Variants in CEACAM20 observed in about 807,000 individuals in gnomAD.
CEACAM20 encodes cell adhesion molecule CEACAM20.
CEACAM20 carries 50 observed loss-of-function variants against 61.2 expected under a neutral mutation model. The observed-to-expected ratio is 0.82, with a 90% confidence interval of 0.65 to 1.03. The LOEUF is 1.03. Ranked by LOEUF, CEACAM20 falls within the 50% of genes least tolerant of loss-of-function variation. CEACAM20 has a pLI of 0.00. For synonymous variants in CEACAM20, 282 were observed against 287.7 expected (o/e 0.98, Z 0.20); for missense variants, 683 against 736.4 (o/e 0.93, Z 0.84).
chr19:44,525,211 G>T lies in CEACAM20; in HGVS notation c.86C>A (p.Ala29Glu), dbSNP rs1181266274. The T allele has an allele frequency of 1.1e-5, 18 of 1,608,130 alleles. No individual in the cohort carries two copies. Among genetic ancestry groups the T allele is most frequent in the Non-Finnish European group, 1.5e-5 (18 of 1,177,676 alleles). ...SLCTVWSPPAAAQLTLNANPL... is the reference protein window; with the variant it reads ...SLCTVWSPPAEAQLTLNANPL... ...GTTGGCATTGAGGGTGAGCTGGGCTGCAGCTGGAGGACTCCATACGGTACA... is the reference window on the plus strand; with the variant it reads ...GTTGGCATTGAGGGTGAGCTGGGCTTCAGCTGGAGGACTCCATACGGTACA... The change falls in exon 2 of 12, where the codon GCA (alanine) becomes GAA (glutamate). Residue 29 changes from alanine to glutamate, a missense_variant. By Grantham distance (107) the Ala-to-Glu change is moderately radical. Transcript: ENST00000614924.
chr19:44,509,753 T>G (rs1438123862), intron 11 of CEACAM20, among the ~76,000 whole-genome samples: 1 of 149,584 alleles, frequency 6.7e-6, no homozygotes, highest in East Asian at 2.0e-4. Flanking sequence ...AAGGGAAGGG[T>G]ATGGAGAAGA....
Position 44,512,875 on chromosome 19 carries a change from GGGCTCT to G in CEACAM20, c.1500_1505del (p.Glu501_Pro502del). The G allele has an allele frequency of 6.2e-7, 1 of 1,613,308 alleles. No homozygotes were observed. The highest frequency in any genetic ancestry group is 8.5e-7 in the Non-Finnish European group (1 of 1,179,464). On this transcript the variant is annotated inframe_deletion, in exon 8 of 12. Transcript: ENST00000614924. ...CACCATAGAGTCACTTACCGGAACT[GGGCTCT>G]GTGGGGTGCTCCTCCTTCGGGATGG...
At chr19:44,509,220 A>C (rs1158469779) in intron 11 of CEACAM20, among the ~76,000 whole-genome samples, 3 of 152,196 alleles carry the variant, frequency 2.0e-5, no homozygotes, top group Non-Finnish European at 4.4e-5. Context: ...AGAAAGAAAG[A>C]AATAAAGTAA....
Position 44,529,640 on chromosome 19 carries a change from A to T in CEACAM20, c.-131T>A. ...CTCTCCCACCCTGCTACAAACTCACACACACACTGCAGTAACTGCAGCTCC... is the reference window on the plus strand; with the variant it reads ...CTCTCCCACCCTGCTACAAACTCACTCACACACTGCAGTAACTGCAGCTCC... On this transcript the variant is annotated 5_prime_UTR_variant, in exon 1 of 12. Coordinates refer to ENST00000614924, the MANE Select transcript of CEACAM20 (RefSeq NM_001102597.3). 1.4e-6 allele frequency: 1 copy of T among 704,562 alleles called. No individual in the cohort carries two copies. The highest frequency in any genetic ancestry group is 1.7e-5 in the South Asian group (1 of 57,836). The allele number at this position is 704,562 out of a possible 1,614,324, so 43.6% of individuals were successfully genotyped here.
At chr19:44,519,565 T>A (rs768289760) in intron 5 of CEACAM20, among the ~76,000 whole-genome samples, 2 of 152,102 alleles carry the variant, frequency 1.3e-5, no homozygotes, top group Non-Finnish European at 2.9e-5. Context: ...GACTCCTACA[T>A]CCTTTCGGTG....
intron 8 of CEACAM20, 133 bp downstream of exon 8, chr19:44,512,735 A>G: frequency 1.4e-6 from 1 of 691,642 alleles, no homozygotes; most frequent in Non-Finnish European, 2.5e-6. Flanking sequence ...AGATGGGAAC[A>G]CAGAGGCTCA....
intron 5 of CEACAM20, 41 bp downstream of exon 5, chr19:44,520,433 A>G (rs369741488): frequency 2.6e-4 from 412 of 1,593,270 alleles, no homozygotes; most frequent in Non-Finnish European, 3.4e-4. Context: ...AGAAGGAGGG[A>G]AGCAGGGAGA....
At chr19:44,513,320 C>T (rs1026780622) in intron 6 of CEACAM20, 31 bp from the exon 7 acceptor site, 2 of 1,452,610 alleles carry the variant, frequency 1.4e-6, no homozygotes, top group Non-Finnish European at 9.7e-7. Context: ...AAGACCCAGG[C>T]TTGACACACC....
intron 1 of CEACAM20, among the ~76,000 whole-genome samples, chr19:44,528,608 T>C (rs1309618867): frequency 6.6e-6 from 1 of 152,132 alleles, no homozygotes; most frequent in Non-Finnish European, 1.5e-5. Flanking sequence ...TTCTCTCTCT[T>C]TCTCCCTGGG....
At position 44,522,843 on chromosome 19, in the gene CEACAM20, T is replaced by C. The variant is rs756950141; in HGVS notation, c.542A>G (p.Glu181Gly). ...VASGEVVEVM[E>G]GSSMTFLAET... Reference sequence around the variant, plus strand: ...CGCTAAGAAGGTCATGCTGGAGCCCTCCATCACCTCAACCACCTCCCCACT... The same window carrying C: ...CGCTAAGAAGGTCATGCTGGAGCCCCCCATCACCTCAACCACCTCCCCACT... The change falls in exon 4 of 12, where the codon GAG (glutamate) becomes GGG (glycine). Residue 181 changes from glutamate to glycine, a missense_variant. By Grantham distance (98) the Glu-to-Gly change is moderately conservative. Transcript: ENST00000614924. 3.7e-6 allele frequency: 6 copies of C among 1,611,050 alleles called. No homozygotes were observed. The Admixed American group carries it at 1.0e-4, about 27-fold the overall frequency.
At chr19:44,514,750 T>C (rs1971105355) in intron 6 of CEACAM20, among the ~76,000 whole-genome samples, 1 of 152,112 alleles carries the variant, frequency 6.6e-6, no homozygotes, top group Non-Finnish European at 1.5e-5. Context: ...TGAGCCACCA[T>C]GCCTGGCCGC....
intron 4 of CEACAM20, 105 bp from the exon 5 acceptor site, chr19:44,520,857 T>C: frequency 9.4e-7 from 1 of 1,060,942 alleles, no homozygotes; most frequent in Non-Finnish European, 1.4e-6. Flanking sequence ...TGTGTGTGTG[T>C]GTGTGTGTGT....
chr19:44,511,034 T>C lies in CEACAM20; in HGVS notation c.1733A>G (p.Tyr578Cys), dbSNP rs762524360. ...STVPKNMESI[Y>C]EELVNPEPNT... is the part of the protein sequence containing the mutation. ...CTCAGTGTGGCATAAACATACCTCA[T>C]AGATTGACTCCATGTTTTTTGGCAC... The change falls in exon 11 of 12, where the codon TAT becomes TGT. Residue 578 changes from tyrosine to cysteine, a missense_variant. Tyr to Cys is a radical substitution (Grantham distance 194). Transcript: ENST00000614924. The C allele has an allele frequency of 1.2e-6, 2 of 1,613,830 alleles. No individual in the cohort carries two copies. Among genetic ancestry groups the C allele is most frequent in the Non-Finnish European group, 1.7e-6 (2 of 1,179,840 alleles).
At position 44,508,681 on chromosome 19, in the gene CEACAM20, C is replaced by T. The variant is rs113984173; in HGVS notation, c.1737+2349G>A. On this transcript the variant is annotated intron_variant, in intron 11 of 11. Transcript: ENST00000614924. Reference sequence around the variant, plus strand: ...CTGGGATTACAGGCGTGAGCCACCGCGCCTGGCCCAGTTTTCTTCTTTTTG... The same window carrying T: ...CTGGGATTACAGGCGTGAGCCACCGTGCCTGGCCCAGTTTTCTTCTTTTTG... Among the ~76,000 whole-genome samples, 1,088 of 152,286 alleles carry T rather than the reference C, an allele frequency of 7.1e-3. 11 individuals are homozygous for T. Among genetic ancestry groups the T allele is most frequent in the African/African-American group, 0.024 (995 of 41,540 alleles).
chr19:44,524,393 G>A, intron 2 of CEACAM20, 132 bp from the exon 3 acceptor site: 1 of 947,862 alleles, frequency 1.1e-6, no homozygotes, highest in Non-Finnish European at 1.6e-6. Flanking sequence ...TTGGATGCCT[G>A]GGCTTGAATG....
intron 11 of CEACAM20, among the ~76,000 whole-genome samples, chr19:44,509,744 A>G (rs1970917170): frequency 6.6e-6 from 1 of 152,154 alleles, no homozygotes; most frequent in East Asian, 1.9e-4. Flanking sequence ...ATTGAATGAA[A>G]GGGAAGGGTA....
chr19:44,515,906 G>C (rs868822662), intron 6 of CEACAM20, among the ~76,000 whole-genome samples: 2 of 152,058 alleles, frequency 1.3e-5, no homozygotes, highest in Non-Finnish European at 2.9e-5. Context: ...GGAGGTTGAG[G>C]CTTCAGTGAC....
intron 1 of CEACAM20, 133 bp downstream of exon 1, chr19:44,529,325 T>C (rs1971638675): frequency 5.1e-6 from 4 of 781,854 alleles, no homozygotes; most frequent in South Asian, 1.7e-5. Flanking sequence ...CTATTTTTTT[T>C]CTCTGCCTCC....
intron 5 of CEACAM20, among the ~76,000 whole-genome samples, chr19:44,519,828 C>G (rs115463874): frequency 0.013 from 1,949 of 152,298 alleles, 45 homozygotes; most frequent in African/African-American, 0.043. Context: ...TACTCCCAGC[C>G]CTTCCACAGG....
Sources: allele counts gnomAD v4.1 joint callset (sites outside exome capture counted in the v4.1 genomes callset), GRCh38; gene constraint gnomAD v4.1.1; transcripts MANE v1.5; gene names NCBI Gene and HGNC (gene_info 2026-07-23, HGNC 2026-07-21).